Variants in DIAPH2 observed in about 807,000 individuals in gnomAD.
DIAPH2 encodes the protein diaphanous related formin 2, also known as protein diaphanous homolog 2.
A neutral mutation model predicts 92.7 loss-of-function variants in DIAPH2; 35 were observed. That is an observed-to-expected ratio of 0.38 (90% CI 0.29 to 0.50). The LOEUF is 0.50. Ranked by LOEUF, DIAPH2 falls within the 20% of genes least tolerant of loss-of-function variation. The pLI is 0.94. For missense variants in DIAPH2, 701 were observed against 819.5 expected (o/e 0.86, Z 1.77); for synonymous variants, 301 against 280.4 (o/e 1.07, Z -0.73).
chrX:97,415,967 A>C (rs1602575584), intron 25 of DIAPH2, among the ~76,000 whole-genome samples: 1 of 112,150 alleles, frequency 8.9e-6, no homozygotes, highest in Middle Eastern at 4.6e-3. Flanking sequence ...GCCACAGACT[A>C]TCCAGTGACA....
At chrX:96,874,057 G>A (rs1405142287) in intron 4 of DIAPH2, among the ~76,000 whole-genome samples, 1 of 111,889 alleles carries the variant, frequency 8.9e-6, no homozygotes, top group East Asian at 2.8e-4. Context: ...TGCACTATGT[G>A]TGGTATAACA....
At chrX:97,465,273 C>CACACACACA (rs1569404531) in intron 26 of DIAPH2, among the ~76,000 whole-genome samples, 1,542 of 106,844 alleles carry the variant, frequency 0.014, 28 homozygotes, top group African/African-American at 0.05. Context: ...TAGAATTCAC[C>CACACACACA]CACACACACA....
At chrX:97,226,425 G>A (rs1028834901) in intron 22 of DIAPH2, among the ~76,000 whole-genome samples, 1 of 110,692 alleles carries the variant, frequency 9.0e-6, no homozygotes, top group Non-Finnish European at 1.9e-5. Flanking sequence ...CCCAGGCTGG[G>A]TGCAATGGCG....
intron 17 of DIAPH2, among the ~76,000 whole-genome samples, chrX:96,972,241 C>T (rs1292043184): frequency 9.0e-6 from 1 of 111,648 alleles, no homozygotes; most frequent in African/African-American, 3.3e-5. Context: ...CCTCTGTCCT[C>T]ACTACGTGTA....
intron 4 of DIAPH2, among the ~76,000 whole-genome samples, chrX:96,809,806 T>A (rs1348039792): frequency 5.4e-5 from 6 of 111,749 alleles, no homozygotes; most frequent in African/African-American, 2.0e-4. Flanking sequence ...CTCAGAATGA[T>A]GGTTTCCAGC....
In DIAPH2 at chrX:97,395,392, A is replaced by G. The variant is rs146047971; in HGVS notation, c.3145+11348A>G. Among the ~76,000 whole-genome samples the G allele has an allele frequency of 5.5e-3, 619 of 112,004 alleles. 9 individuals are homozygous for G. Among genetic ancestry groups the G allele is most frequent in the African/African-American group, 0.019 (593 of 30,862 alleles). ...GTGAAAATGTGCAGCAGCATGTGGC[A>G]CATAGATATAATTTTGGACATGTAG... On this transcript the variant is annotated intron_variant, in intron 25 of 26. Transcript: ENST00000324765.
chrX:96,950,642 C>T (rs767076142), intron 15 of DIAPH2, among the ~76,000 whole-genome samples: 1 of 111,687 alleles, frequency 9.0e-6, no homozygotes, highest in East Asian at 2.8e-4. Flanking sequence ...AACTTTTCTC[C>T]CTCCTCAAAT....
In DIAPH2 at chrX:96,751,648, T is replaced by G. The variant is rs1336090593; in HGVS notation, c.343-6506T>G. On this transcript the variant is annotated intron_variant, in intron 3 of 26. Transcript: ENST00000324765. ...ATAAATGGTCAACTAGACTTCAGTG[T>G]TTTGTTTTTTTTTTTTTTTTTTTGA... 4.7e-4 allele frequency among the ~76,000 whole-genome samples: 41 copies of G among 87,330 alleles called. 1 individual carries two copies. Among genetic ancestry groups the G allele is most frequent in the African/African-American group, 1.8e-3 (39 of 22,232 alleles). The allele number at this position is 87,330 out of a possible 115,157, so 75.8% of individuals were successfully genotyped here.
intron 5 of DIAPH2, among the ~76,000 whole-genome samples, chrX:96,907,673 G>A (rs1189614703): frequency 8.9e-6 from 1 of 111,991 alleles, no homozygotes; most frequent in Non-Finnish European, 1.9e-5. Flanking sequence ...GGGGCAATTA[G>A]AACTGTGATA....
At position 97,054,488 on chromosome X, in the gene DIAPH2, G is replaced by A. The variant is rs758447747; in HGVS notation, c.2051-18453G>A. ...GAAAACTCTGTAGAGGCCCAGAGGA[G>A]GGAATAATTAATTCTGCTTGGAAGA... On this transcript the variant is annotated intron_variant, in intron 17 of 26. Coordinates refer to ENST00000324765, the MANE Select transcript of DIAPH2 (RefSeq NM_006729.5). Among the ~76,000 whole-genome samples, 5 of 111,564 alleles carry A rather than the reference G, an allele frequency of 4.5e-5. No homozygotes were observed. In the South Asian group the frequency reaches 1.9e-3, roughly 42 times the overall value.
At chrX:97,365,589 C>A (rs746450653) in intron 24 of DIAPH2, among the ~76,000 whole-genome samples, 1 of 111,594 alleles carries the variant, frequency 9.0e-6, no homozygotes, top group East Asian at 2.8e-4. Context: ...TGGCTACTTT[C>A]CCTGTTATGC....
intron 22 of DIAPH2, among the ~76,000 whole-genome samples, chrX:97,211,329 TACTC>T (rs200396563): frequency 0.011 from 1,243 of 110,895 alleles, 20 homozygotes; most frequent in African/African-American, 0.038. Context: ...ATAGTTGTGT[TACTC>T]ACCTTGTGGA....
At chrX:97,369,441 C>T (rs866776341) in intron 24 of DIAPH2, among the ~76,000 whole-genome samples, 1 of 47,793 alleles carries the variant, frequency 2.1e-5, no homozygotes, top group African/African-American at 4.1e-5. Context: ...CTTCATTGCC[C>T]TTACCAGCAA....
intron 22 of DIAPH2, among the ~76,000 whole-genome samples, chrX:97,154,554 G>A (rs1021333980): frequency 1.8e-5 from 2 of 111,255 alleles, no homozygotes; most frequent in Non-Finnish European, 3.8e-5. Context: ...GCTATCTTTA[G>A]AATTTAGGGT....
intron 4 of DIAPH2, among the ~76,000 whole-genome samples, chrX:96,829,510 T>C (rs1156638425): frequency 9.1e-6 from 1 of 109,845 alleles, no homozygotes; most frequent in Non-Finnish European, 1.9e-5. Flanking sequence ...TTGTTTGTTT[T>C]TGAGATGGAG....
chrX:97,044,412 G>A (rs2066467190), intron 17 of DIAPH2, among the ~76,000 whole-genome samples: 1 of 111,149 alleles, frequency 9.0e-6, no homozygotes, highest in South Asian at 3.8e-4. Context: ...AACACTTAGA[G>A]AAACATAAAC....
intron 5 of DIAPH2, chrX:96,885,376 T>G: frequency 4.5e-6 from 1 of 221,412 alleles, no homozygotes; most frequent in Non-Finnish European, 8.5e-6. Flanking sequence ...ATGTAGAAAT[T>G]TATTATTTAA....
chrX:97,303,175 A>G (rs1308750657), intron 23 of DIAPH2, among the ~76,000 whole-genome samples: 2 of 112,041 alleles, frequency 1.8e-5, no homozygotes, highest in African/African-American at 6.5e-5. Flanking sequence ...TATGAATAAA[A>G]GGTCTATTCC....
intron 7 of DIAPH2, among the ~76,000 whole-genome samples, chrX:96,914,918 G>C (rs184229003): frequency 2.1e-4 from 23 of 111,293 alleles, no homozygotes; most frequent in African/African-American, 7.5e-4. Flanking sequence ...TTCACTTCAT[G>C]TTGGAATAAA....
Sources: gnomAD v4.1 joint callset for allele counts (sites outside exome capture counted in the v4.1 genomes callset) on GRCh38, gnomAD v4.1.1 for gene constraint, MANE v1.5 for transcripts, NCBI Gene and HGNC (gene_info 2026-07-23, HGNC 2026-07-21) for gene names.